Variants in RAP1A observed in about 807,000 individuals in gnomAD.
RAP1A encodes RAP1A, member of RAS oncogene family, also known as ras-related protein Rap-1A.
A neutral mutation model predicts 26.4 loss-of-function variants in RAP1A; 6 were observed. That is an observed-to-expected ratio of 0.23 (90% confidence interval 0.12 to 0.45). The LOEUF (loss-of-function observed/expected upper bound fraction) is 0.45. RAP1A is among the 20% of genes least tolerant of loss of function. The probability of loss-of-function intolerance (pLI) is 0.99; values close to 1 mark genes in which losing one functional copy is unlikely to be tolerated. For synonymous variants in RAP1A, 73 were observed against 79.4 expected (o/e 0.92, Z 0.43); for missense variants, 121 against 217.2 (o/e 0.56, Z 2.78).
intron 1 of RAP1A, among the ~76,000 whole-genome samples, chr1:111,542,976 C>T (rs12072974): frequency 1.8e-3 from 278 of 152,200 alleles, no homozygotes; most frequent in African/African-American, 6.0e-3. Flanking sequence ...GGATTACAAG[C>T]GTGAGTGAGC....
chr1:111,609,857 C>G (rs1466535721), intron 1 of RAP1A, among the ~76,000 whole-genome samples: 1 of 152,034 alleles, frequency 6.6e-6, no homozygotes, highest in East Asian at 1.9e-4. Context: ...CTGGGTTTCA[C>G]CATGTTGGCC....
At chr1:111,655,203 A>G (rs932641692) in intron 1 of RAP1A, among the ~76,000 whole-genome samples, 1 of 151,328 alleles carries the variant, frequency 6.6e-6, no homozygotes, top group South Asian at 2.1e-4. Context: ...GAAAATGACC[A>G]TGGGAAACAT....
chr1:111,597,531 A>T (rs1261609261), intron 1 of RAP1A, among the ~76,000 whole-genome samples: 1 of 152,110 alleles, frequency 6.6e-6, no homozygotes, highest in Non-Finnish European at 1.5e-5. Flanking sequence ...CTAGTGTGAC[A>T]CTCCTCTGTT....
intron 1 of RAP1A, among the ~76,000 whole-genome samples, chr1:111,589,278 G>A (rs1019378234): frequency 6.6e-6 from 1 of 152,128 alleles, no homozygotes; most frequent in Non-Finnish European, 1.5e-5. Flanking sequence ...TACCTTAACT[G>A]GGTATTTCAA....
intron 1 of RAP1A, among the ~76,000 whole-genome samples, chr1:111,679,089 G>A (rs77683726): frequency 0.061 from 9,245 of 152,242 alleles, 294 homozygotes; most frequent in South Asian, 0.086. Flanking sequence ...AAAAGTGGGG[G>A]TTCCGGGTAA....
intron 1 of RAP1A, among the ~76,000 whole-genome samples, chr1:111,574,350 G>A (rs1325610136): frequency 1.3e-5 from 2 of 152,158 alleles, no homozygotes; most frequent in Non-Finnish European, 2.9e-5. Context: ...TGCTGTTTTT[G>A]TTACTCTAGC....
chr1:111,620,354 C>T (rs1401113217), intron 1 of RAP1A, among the ~76,000 whole-genome samples: 2 of 152,198 alleles, frequency 1.3e-5, no homozygotes, highest in African/African-American at 4.8e-5. Flanking sequence ...GAAGGTTGGA[C>T]ATCGCTGCCT....
At chr1:111,590,674 G>T (rs1359902440) in intron 1 of RAP1A, among the ~76,000 whole-genome samples, 1 of 151,652 alleles carries the variant, frequency 6.6e-6, no homozygotes, top group Non-Finnish European at 1.5e-5. Context: ...ACCCGCCTCG[G>T]CCTCCCAAAG....
chr1:111,584,444 C>T, intron 1 of RAP1A, among the ~76,000 whole-genome samples: 3 of 152,192 alleles, frequency 2.0e-5, no homozygotes, highest in Admixed American at 2.0e-4. Flanking sequence ...ATAGATGGTG[C>T]CTTCTGTGAG....
chr1:111,689,834 G>A (rs1181927848), intron 1 of RAP1A, among the ~76,000 whole-genome samples: 1 of 151,996 alleles, frequency 6.6e-6, no homozygotes, highest in Non-Finnish European at 1.5e-5. Flanking sequence ...CCGCCACCAC[G>A]CCCGGCTAAT....
chr1:111,606,407 C>T (rs1379071932), intron 1 of RAP1A, among the ~76,000 whole-genome samples: 3 of 152,164 alleles, frequency 2.0e-5, no homozygotes, highest in Admixed American at 2.0e-4. Flanking sequence ...CTGGAGAATG[C>T]TTATTCTCCT....
intron 1 of RAP1A, among the ~76,000 whole-genome samples, chr1:111,578,494 G>GA (rs543491126): frequency 8.3e-4 from 90 of 108,788 alleles, no homozygotes; most frequent in Middle Eastern, 4.3e-3. Context: ...TTTCAATGGG[G>GA]AAAAAAAACC....
At chr1:111,686,684 C>CT (rs1661489696) in intron 1 of RAP1A, 1 of 72,768 alleles carries the variant, frequency 1.4e-5, no homozygotes, top group Admixed American at 2.3e-4. Flanking sequence ...GAGTGAGACC[C>CT]TATCTCAAAA....
intron 1 of RAP1A, among the ~76,000 whole-genome samples, chr1:111,675,047 C>T (rs1380238705): frequency 2.0e-5 from 3 of 151,884 alleles, no homozygotes; most frequent in Non-Finnish European, 2.9e-5. Flanking sequence ...TATGTAGTAT[C>T]CCTGGATCTT....
intron 1 of RAP1A, among the ~76,000 whole-genome samples, chr1:111,651,522 G>A (rs973763043): frequency 1.3e-4 from 19 of 147,304 alleles, no homozygotes; most frequent in Admixed American, 1.0e-3. Flanking sequence ...TGTTACCCAG[G>A]CTATAGTGCA....
intron 1 of RAP1A, among the ~76,000 whole-genome samples, chr1:111,657,487 C>A (rs1282412600): frequency 2.0e-5 from 3 of 152,030 alleles, no homozygotes; most frequent in Non-Finnish European, 4.4e-5. Flanking sequence ...CTATTTTTTT[C>A]TTTTGTTGCC....
chr1:111,637,375 A>G (rs1288605039), intron 1 of RAP1A, among the ~76,000 whole-genome samples: 7 of 152,192 alleles, frequency 4.6e-5, no homozygotes, highest in African/African-American at 9.7e-5. Context: ...TATTTTTCTA[A>G]TTGTCCCCCT....
At chr1:111,586,313 C>T (rs1401708786) in intron 1 of RAP1A, among the ~76,000 whole-genome samples, 1 of 152,192 alleles carries the variant, frequency 6.6e-6, no homozygotes, top group Non-Finnish European at 1.5e-5. Flanking sequence ...CCTGGGCAGA[C>T]CAGGACAACT....
At chr1:111,670,298 C>G (rs920311596) in intron 1 of RAP1A, among the ~76,000 whole-genome samples, 1 of 152,016 alleles carries the variant, frequency 6.6e-6, no homozygotes, top group East Asian at 1.9e-4. Context: ...ATGGCGAAAC[C>G]CTGTCTCTAC....
Sources: allele counts gnomAD v4.1 joint callset (sites outside exome capture counted in the v4.1 genomes callset), GRCh38; gene constraint gnomAD v4.1.1; transcripts MANE v1.5; gene names NCBI Gene and HGNC (gene_info 2026-07-23, HGNC 2026-07-21).